The following ANKRD27 variants were observed in gnomAD, a reference collection of about 807,000 sequenced individuals.
The protein encoded by ANKRD27 is ankyrin repeat domain 27, also known as ankyrin repeat domain-containing protein 27.
ANKRD27 carries 112 observed loss-of-function variants against 129.7 expected under a neutral mutation model. The ratio of observed to expected loss-of-function variants is 0.86; its 90% CI spans 0.74 to 1.01. ANKRD27 has a LOEUF of 1.01. Ranked by LOEUF, ANKRD27 falls within the 50% of genes least tolerant of loss-of-function variation. ANKRD27 has a pLI of 0.00. For missense variants in ANKRD27, 1,258 were observed against 1,300.5 expected (o/e 0.97, Z 0.50); for synonymous variants, 516 against 511.2 (o/e 1.01, Z -0.13).
chr19:32,617,655 G>A, intron 20 of ANKRD27, 22 bp from the exon 21 acceptor site: 3 of 718,914 alleles, frequency 4.2e-6, no homozygotes, highest in Non-Finnish European at 5.1e-6. Context: ...GAACAAGAAT[G>A]TTAGAAAAAT....
chr19:32,610,658 G>A (rs34637492), intron 22 of ANKRD27, among the ~76,000 whole-genome samples: 60,174 of 151,688 alleles, frequency 0.4, 14,960 homozygotes, highest in Non-Finnish European at 0.57. Flanking sequence ...CAGGTGTGGC[G>A]GCATGCACCT....
At position 32,626,719 on chromosome 19, in the gene ANKRD27, C is replaced by G; in HGVS notation, c.1529G>C (p.Ser510Thr). 6.2e-7 allele frequency: 1 copy of G among 1,606,590 alleles called. No individual in the cohort carries two copies. Among genetic ancestry groups the G allele is most frequent in the Non-Finnish European group, 8.5e-7 (1 of 1,176,654 alleles). ...AAAGGCACCACTGCTCACCGTCACG[C>G]TCTGGTAGCCCTTCTGACAGGCCAG... ...LHLACQKGYQ[S>T]VTLLLLHYKA... The change falls in exon 16 of 29, where the codon AGC (serine) becomes ACC (threonine). Residue 510 changes from serine (S) to threonine (T), a missense_variant. Transcript: ENST00000306065.
chr19:32,606,044 A>AATAC (rs2145259373), intron 23 of ANKRD27, 90 bp from the exon 24 acceptor site: 1 of 1,211,472 alleles, frequency 8.3e-7, no homozygotes, highest in Non-Finnish European at 1.1e-6. Flanking sequence ...TAAATAAATA[A>AATAC]ATAAAATAAG....
Position 32,600,066 on chromosome 19 carries a change from T to A in ANKRD27, c.2768-16A>T, listed in dbSNP as rs761431174. 6.4e-7 allele frequency: 1 copy of A among 1,565,384 alleles called. No homozygotes were observed. Among genetic ancestry groups the A allele is most frequent in the South Asian group, 1.1e-5 (1 of 89,404 alleles). On this transcript the variant is annotated splice_polypyrimidine_tract_variant and intron_variant, in intron 26 of 28. Transcript: ENST00000306065. Reference sequence around the variant, plus strand: ...TTTGAGTTCCCTGTAGATAAAAAGATAAACATCTAAAAACTTCAAAAACAG... The same window carrying A: ...TTTGAGTTCCCTGTAGATAAAAAGAAAAACATCTAAAAACTTCAAAAACAG...
chr19:32,667,886 C>G (rs1274445022), intron 1 of ANKRD27, among the ~76,000 whole-genome samples: 1 of 151,300 alleles, frequency 6.6e-6, no homozygotes, highest in Non-Finnish European at 1.5e-5. Flanking sequence ...GGCCTTCTCT[C>G]TTCATTAAAA....
intron 22 of ANKRD27, among the ~76,000 whole-genome samples, chr19:32,613,911 T>C (rs1358219353): frequency 1.3e-5 from 2 of 152,110 alleles, no homozygotes; most frequent in African/African-American, 4.8e-5. Flanking sequence ...GGTTTCACCA[T>C]GTTAGCCAGG....
intron 9 of ANKRD27, among the ~76,000 whole-genome samples, chr19:32,642,716 G>A (rs1202741936): frequency 7.9e-5 from 12 of 152,184 alleles, no homozygotes; most frequent in Non-Finnish European, 1.5e-4. Flanking sequence ...CAGCCTGGGC[G>A]ACAGAGTGAG....
At chr19:32,600,401 C>T (rs188275941) in intron 26 of ANKRD27, 9 of 188,598 alleles carry the variant, frequency 4.8e-5, no homozygotes, top group Admixed American at 3.7e-4. Context: ...CTTAGCCAGG[C>T]GTGGTGGCAC....
chr19:32,670,505 C>A (rs553474462), intron 1 of ANKRD27, among the ~76,000 whole-genome samples: 34 of 151,512 alleles, frequency 2.2e-4, no homozygotes, highest in African/African-American at 8.2e-4. Flanking sequence ...AAAACCCTGT[C>A]TCTACTAAAA....
Position 32,619,507 on chromosome 19 carries a change from T to C in ANKRD27, c.1874A>G (p.Gln625Arg), listed in dbSNP as rs748192433. Reference protein sequence around the residue: ...EAYHLSFERRQKSSEAPVQSP... With the variant: ...EAYHLSFERRRKSSEAPVQSP... ...CGGCTGACTTACCTCGGACGACTTCTGCCTCCTCTCGAAGGACAGGTGATA... is the reference window on the plus strand; with the variant it reads ...CGGCTGACTTACCTCGGACGACTTCCGCCTCCTCTCGAAGGACAGGTGATA... The change falls in exon 19 of 29, where the codon CAG becomes CGG. Residue 625 changes from glutamine (Q) to arginine (R), a missense_variant. Physicochemically the swap from Gln to Arg is conservative, Grantham distance 43 (BLOSUM62 1). Transcript: ENST00000306065. The C allele has an allele frequency of 1.2e-6, 2 of 1,614,154 alleles. No homozygotes were observed. The highest frequency in any genetic ancestry group is 1.1e-5 in the South Asian group (1 of 91,076).
At chr19:32,639,054 A>G in intron 12 of ANKRD27, 1 of 452,096 alleles carries the variant, frequency 2.2e-6, no homozygotes, top group Non-Finnish European at 3.9e-6. Context: ...CAAGGTCAAG[A>G]AATCCAAATT....
chr19:32,660,753 T>C (rs1289679333), intron 1 of ANKRD27, among the ~76,000 whole-genome samples: 2 of 152,156 alleles, frequency 1.3e-5, no homozygotes, highest in African/African-American at 2.4e-5. Flanking sequence ...TAAAGCCATA[T>C]CCCACTGTTT....
At chr19:32,631,953 G>A (rs1967001315) in intron 12 of ANKRD27, among the ~76,000 whole-genome samples, 1 of 152,222 alleles carries the variant, frequency 6.6e-6, no homozygotes, top group Non-Finnish European at 1.5e-5. Context: ...TCAACCAGCA[G>A]GAGAGAGAGG....
intron 14 of ANKRD27, 140 bp downstream of exon 14, chr19:32,628,579 TATC>T: frequency 1.9e-6 from 2 of 1,055,850 alleles, no homozygotes; most frequent in Non-Finnish European, 1.4e-6. Flanking sequence ...GGGCAGCTGT[TATC>T]ATCTCCACTG....
chr19:32,666,161 C>T (rs928966688), intron 1 of ANKRD27: 14 of 152,192 alleles, frequency 9.2e-5, no homozygotes, highest in African/African-American at 2.7e-4. Flanking sequence ...GGATCGTATA[C>T]GACTTTTATT....
In ANKRD27 at chr19:32,607,766, G is replaced by A. The variant is rs948084021; in HGVS notation, c.2242C>T (p.Leu748=). ...CGGCCGTGCAGGGCGGCGACATGCA[G>A]CGGGGAGGAGCCGTCCTGGCTGGTC... ...NVTSQDGSSP[L]HVAALHGRAD... is the part of the protein sequence containing the mutation. Residue 748 remains leucine, a synonymous_variant, in exon 23 of 29, where the codon CTG becomes TTG. Coordinates refer to ENST00000306065, the MANE Select transcript of ANKRD27 (RefSeq NM_032139.3). 26 of 1,612,666 alleles carry A rather than the reference G, an allele frequency of 1.6e-5. No homozygotes were observed. The highest frequency in any genetic ancestry group is 2.1e-5 in the Non-Finnish European group (25 of 1,179,598).
Position 32,607,754 on chromosome 19 carries a change from C to G in ANKRD27, c.2254G>C (p.Ala752Pro). Residue 752 changes from alanine to proline, a missense_variant, in exon 23 of 29, where the codon GCC becomes CCC. Transcript: ENST00000306065. ...ATGAGGTCCGCCCGGCCGTGCAGGG[C>G]GGCGACATGCAGCGGGGAGGAGCCG... ...QDGSSPLHVA[A>P]LHGRADLIPL... The G allele has an allele frequency of 1.9e-6, 3 of 1,612,898 alleles. No homozygotes were observed. Among genetic ancestry groups the G allele is most frequent in the Non-Finnish European group, 2.5e-6 (3 of 1,179,620 alleles).
At chr19:32,670,491 T>C (rs1343824162) in intron 1 of ANKRD27, among the ~76,000 whole-genome samples, 4 of 151,022 alleles carry the variant, frequency 2.6e-5, no homozygotes, top group Admixed American at 6.6e-5. Flanking sequence ...CTGGCCAACA[T>C]GGCAAAACCC....
intron 13 of ANKRD27, among the ~76,000 whole-genome samples, chr19:32,631,183 A>C (rs1966985713): frequency 6.6e-6 from 1 of 151,730 alleles, no homozygotes. Context: ...ACACCCAGCT[A>C]ATTTTTGTAT....
Sources: gnomAD v4.1 joint callset for allele counts (sites outside exome capture counted in the v4.1 genomes callset) on GRCh38, gnomAD v4.1.1 for gene constraint, MANE v1.5 for transcripts, NCBI Gene and HGNC (gene_info 2026-07-23, HGNC 2026-07-21) for gene names.